Variants in PRDM5 observed in about 807,000 individuals in gnomAD.
PRDM5 encodes PR domain zinc finger protein 5.
A neutral mutation model predicts 81.2 loss-of-function variants in PRDM5; 56 were observed. The ratio of observed to expected loss-of-function variants is 0.69; its 90% CI spans 0.56 to 0.86. The LOEUF is 0.86. Among genes scored for constraint, PRDM5 ranks in the 40% least tolerant of loss-of-function variants. The pLI is 0.00. For missense variants in PRDM5, 697 were observed against 770.1 expected, an observed-to-expected ratio of 0.91 and a Z score of 1.12; for synonymous variants, 267 against 256.4, an observed-to-expected ratio of 1.04 and a Z score of -0.39.
intron 1 of PRDM5, among the ~76,000 whole-genome samples, chr4:120,910,880 T>C (rs1766425966): frequency 1.3e-5 from 2 of 152,224 alleles, no homozygotes; most frequent in South Asian, 4.1e-4. Flanking sequence ...CCTGATATCA[T>C]TGGTTTTACT....
downstream of PRDM5, among the ~76,000 whole-genome samples, chr4:120,690,844 C>T (rs1369561037): frequency 6.6e-6 from 1 of 152,074 alleles, no homozygotes; most frequent in Non-Finnish European, 1.5e-5. Context: ...GATCAAGCTT[C>T]AGTGGTCCTA....
intron 2 of PRDM5, 47 bp downstream of exon 2, chr4:120,907,427 G>C: frequency 7.0e-7 from 1 of 1,419,656 alleles, no homozygotes. Flanking sequence ...GCATTAAATG[G>C]TACAATACAA....
At chr4:120,738,675 T>C (rs1247709469) in intron 14 of PRDM5, among the ~76,000 whole-genome samples, 1 of 152,176 alleles carries the variant, frequency 6.6e-6, no homozygotes, top group East Asian at 1.9e-4. Context: ...GATATTGAGA[T>C]ACAACAGCTA....
Position 120,754,243 on chromosome 4 carries a change from AAAACCTTT to A in PRDM5, c.1623+302_1623+309del, listed in dbSNP as rs1269034460. On this transcript the variant is annotated intron_variant, in intron 14 of 15. Transcript: ENST00000264808. ...TATTACTGGTGAATATTCTGCAAGAAAAACCTTTAAATATTGTAGTATTAAAATTTTAA... is the reference window on the plus strand; with the variant it reads ...TATTACTGGTGAATATTCTGCAAGAAAAATATTGTAGTATTAAAATTTTAA... Among the ~76,000 whole-genome samples, 5 of 152,364 alleles carry A rather than the reference AAAACCTTT, an allele frequency of 3.3e-5. No individual in the cohort carries two copies. The South Asian group carries it at 1.0e-3, about 32-fold the overall frequency.
intron 13 of PRDM5, chr4:120,762,695 T>A (rs1745800748): frequency 6.6e-6 from 1 of 152,126 alleles, no homozygotes; most frequent in South Asian, 2.1e-4. Flanking sequence ...GTAGCTCAAG[T>A]TCATTCTTGG....
chr4:120,896,437 G>A (rs1319801048), intron 2 of PRDM5: 2 of 152,100 alleles, frequency 1.3e-5, no homozygotes, highest in Non-Finnish European at 2.9e-5. Context: ...ATTCTAAAGA[G>A]ATAGCACAGC....
intron 2 of PRDM5, among the ~76,000 whole-genome samples, chr4:120,879,129 T>C (rs965434662): frequency 1.3e-5 from 2 of 152,132 alleles, no homozygotes; most frequent in African/African-American, 2.4e-5. Context: ...TACTAAACTT[T>C]AGAAGCAATC....
At chr4:120,729,829 A>G (rs985626786) in intron 14 of PRDM5, among the ~76,000 whole-genome samples, 1 of 152,210 alleles carries the variant, frequency 6.6e-6, no homozygotes, top group Admixed American at 6.5e-5. Flanking sequence ...TAGTGGCACC[A>G]CTAAATGATT....
chr4:120,764,507 A>G (rs1051745741), intron 13 of PRDM5, among the ~76,000 whole-genome samples: 2 of 152,200 alleles, frequency 1.3e-5, no homozygotes, highest in East Asian at 3.8e-4. Flanking sequence ...ATGAAAGCCA[A>G]AATGAATGTC....
intron 1 of PRDM5, among the ~76,000 whole-genome samples, chr4:120,913,119 G>A (rs1038966907): frequency 6.6e-6 from 1 of 152,182 alleles, no homozygotes; most frequent in African/African-American, 2.4e-5. Context: ...AATGTATCCA[G>A]GTAAAATACT....
intron 2 of PRDM5, among the ~76,000 whole-genome samples, chr4:120,863,201 C>T (rs1199472479): frequency 2.2e-5 from 3 of 137,290 alleles, no homozygotes; most frequent in Non-Finnish European, 3.1e-5. Context: ...TACACACACA[C>T]ACACACACAC....
intron 15 of PRDM5, among the ~76,000 whole-genome samples, chr4:120,698,972 C>T (rs1283101658): frequency 6.6e-6 from 1 of 151,634 alleles, no homozygotes. Flanking sequence ...AAAACATACA[C>T]ATGTACTACT....
At chr4:120,839,642 G>A (rs965454904) in intron 3 of PRDM5, among the ~76,000 whole-genome samples, 3 of 152,174 alleles carry the variant, frequency 2.0e-5, no homozygotes, top group Admixed American at 6.5e-5. Context: ...CATTCTGGTC[G>A]ACCGGACTGT....
At chr4:120,749,217 T>C (rs1336904766) in intron 14 of PRDM5, among the ~76,000 whole-genome samples, 1 of 147,762 alleles carries the variant, frequency 6.8e-6, no homozygotes, top group African/African-American at 2.5e-5. Flanking sequence ...AAAAAAAAAA[T>C]GGAACACAGA....
At chr4:120,695,402 C>T in intron 15 of PRDM5, 127 bp from the exon 16 acceptor site, 1 of 1,021,268 alleles carries the variant, frequency 9.8e-7, no homozygotes, top group Non-Finnish European at 1.4e-6. Context: ...TCCTTTGTAC[C>T]CGAGTCACCC....
chr4:120,818,097 A>G (rs757262623), intron 5 of PRDM5: 11 of 402,256 alleles, frequency 2.7e-5, no homozygotes, highest in Non-Finnish European at 5.0e-5. Context: ...TAATAAATGG[A>G]CAAAAACTAA....
At chr4:120,805,639 C>T (rs939354335) in intron 8 of PRDM5, among the ~76,000 whole-genome samples, 1 of 152,092 alleles carries the variant, frequency 6.6e-6, no homozygotes, top group Non-Finnish European at 1.5e-5. Context: ...AGGCCTTTGA[C>T]AAAATTCAAT....
At chr4:120,718,350 T>A (rs968532879) in intron 14 of PRDM5, among the ~76,000 whole-genome samples, 3 of 152,228 alleles carry the variant, frequency 2.0e-5, no homozygotes, top group African/African-American at 7.2e-5. Flanking sequence ...TACGCATACC[T>A]TTTGTTCCAA....
intron 14 of PRDM5, among the ~76,000 whole-genome samples, chr4:120,727,245 TAGA>T (rs1412151030): frequency 6.6e-6 from 1 of 152,110 alleles, no homozygotes; most frequent in Admixed American, 6.5e-5. Context: ...ATTCACCGAA[TAGA>T]AGGAGTAGCT....
Sources: allele counts gnomAD v4.1 joint callset (sites outside exome capture counted in the v4.1 genomes callset), GRCh38; gene constraint gnomAD v4.1.1; transcripts MANE v1.5; gene names NCBI Gene and HGNC (gene_info 2026-07-23, HGNC 2026-07-21).